Variants in CCDC178 observed in about 807,000 individuals in gnomAD.
CCDC178 encodes coiled-coil domain-containing protein 178.
A neutral mutation model predicts 117.4 loss-of-function variants in CCDC178; 126 were observed. The ratio of observed to expected loss-of-function variants is 1.07; its 90% CI spans 0.93 to 1.24. The LOEUF (loss-of-function observed/expected upper bound fraction) is 1.24. Ranked by LOEUF, CCDC178 falls within the 50% of genes most tolerant of loss-of-function variation. The pLI is 0.00. For synonymous variants in CCDC178, 283 were observed against 313.4 expected (o/e 0.90, Z 1.02); for missense variants, 1,030 against 986.9 (o/e 1.04, Z -0.59).
chr18:33,170,528 T>C (rs1386050329), intron 20 of CCDC178, among the ~76,000 whole-genome samples: 1 of 152,144 alleles, frequency 6.6e-6, no homozygotes, highest in African/African-American at 2.4e-5. Flanking sequence ...GTGTTATATA[T>C]ACAGCATAAA....
chr18:33,293,318 G>A lies in CCDC178; in HGVS notation c.1023-6C>T. On this transcript the variant is annotated splice_polypyrimidine_tract_variant and splice_region_variant and intron_variant, in intron 11 of 22. Coordinates refer to ENST00000383096, the MANE Select transcript of CCDC178 (RefSeq NM_001105528.4). ...TAAGTTGATATATCTCTCTCCTAGG[G>A]ATAAAAACACAGTTTATTTTATTCA... 6.9e-7 allele frequency: 1 copy of A among 1,454,320 alleles called. No homozygotes were observed. The highest frequency in any genetic ancestry group is 1.3e-5 in the South Asian group (1 of 78,332). 90.1% of individuals were successfully genotyped at this position (1,454,320 alleles called of 1,614,324 possible).
rs577538871 is a variant in CCDC178 at position 33,018,253 on chromosome 18, T to G, written c.2389-43572A>C. ...TACCACTTCATACTCACTGGAATGGTTAAAAACCAATCAACCAAACAACAA... is the reference window on the plus strand; with the variant it reads ...TACCACTTCATACTCACTGGAATGGGTAAAAACCAATCAACCAAACAACAA... On this transcript the variant is annotated intron_variant, in intron 21 of 22. Transcript: ENST00000383096. Among the ~76,000 whole-genome samples the G allele has an allele frequency of 2.3e-4, 35 of 152,062 alleles. No homozygotes were observed. The East Asian group carries it at 5.8e-3, about 25-fold the overall frequency.
intron 21 of CCDC178, among the ~76,000 whole-genome samples, chr18:33,034,525 C>T (rs1264083270): frequency 6.6e-6 from 1 of 151,944 alleles, no homozygotes; most frequent in Non-Finnish European, 1.5e-5. Flanking sequence ...TTTGCTGCTG[C>T]TTTTTGTTTC....
intron 15 of CCDC178, among the ~76,000 whole-genome samples, chr18:33,242,318 A>G (rs2059497513): frequency 6.6e-6 from 1 of 151,842 alleles, no homozygotes; most frequent in South Asian, 2.1e-4. Context: ...AAAACATAGG[A>G]TAAATGCTTC....
intron 11 of CCDC178, among the ~76,000 whole-genome samples, chr18:33,313,975 C>T (rs1334416299): frequency 2.0e-5 from 3 of 151,238 alleles, no homozygotes; most frequent in Non-Finnish European, 4.4e-5. Context: ...CCGAGGCGGG[C>T]GGATCACGAG....
intron 20 of CCDC178, among the ~76,000 whole-genome samples, chr18:33,100,145 T>C (rs532689994): frequency 1.3e-5 from 2 of 152,004 alleles, no homozygotes; most frequent in African/African-American, 4.8e-5. Context: ...TCCAGGGGAA[T>C]ACTTCCGTTA....
chr18:33,352,774 A>C (rs2062994411), intron 7 of CCDC178, among the ~76,000 whole-genome samples: 1 of 152,108 alleles, frequency 6.6e-6, no homozygotes, highest in African/African-American at 2.4e-5. Context: ...GTCAGAAAAA[A>C]ATACCATGTA....
At chr18:33,148,233 C>A (rs971603428) in intron 20 of CCDC178, among the ~76,000 whole-genome samples, 2 of 152,208 alleles carry the variant, frequency 1.3e-5, no homozygotes, top group Admixed American at 1.3e-4. Flanking sequence ...ACCAGCCCGG[C>A]CAACACAGCC....
intron 3 of CCDC178, among the ~76,000 whole-genome samples, chr18:33,411,333 C>G (rs1273100710): frequency 6.6e-6 from 1 of 152,166 alleles, no homozygotes; most frequent in Non-Finnish European, 1.5e-5. Context: ...AATGCAGTCT[C>G]TGTTGCATAT....
chr18:33,353,988 C>A (rs917347105), intron 7 of CCDC178, among the ~76,000 whole-genome samples: 1 of 152,124 alleles, frequency 6.6e-6, no homozygotes, highest in African/African-American at 2.4e-5. Context: ...TAGTGATACA[C>A]CCCTTTGGTT....
rs1013750933 is a variant in CCDC178, at chr18:33,211,856, A to G, written c.2238+40T>C. 3.9e-6 allele frequency: 6 copies of G among 1,549,788 alleles called. No individual in the cohort carries two copies. In the African/African-American group the frequency reaches 5.5e-5, roughly 14 times the overall value. ...ACTAGCTGCTAATTTGACTATCACT[A>G]TATTCCTTTCATTTTGAAACATGCA... On this transcript the variant is annotated intron_variant, in intron 20 of 22. Coordinates refer to ENST00000383096, the MANE Select transcript of CCDC178 (RefSeq NM_001105528.4).
intron 5 of CCDC178, among the ~76,000 whole-genome samples, chr18:33,371,349 A>C (rs1345071655): frequency 6.6e-6 from 1 of 151,884 alleles, no homozygotes; most frequent in Admixed American, 6.6e-5. Flanking sequence ...GCCAGACATA[A>C]AGCTAAGCTA....
At chr18:33,034,702 A>G (rs938459480) in intron 21 of CCDC178, among the ~76,000 whole-genome samples, 8 of 152,076 alleles carry the variant, frequency 5.3e-5, no homozygotes, top group African/African-American at 1.7e-4. Context: ...CAGTATTTTA[A>G]TTGTTGCAGT....
At chr18:33,094,024 A>C (rs1463588896) in intron 20 of CCDC178, among the ~76,000 whole-genome samples, 2 of 152,022 alleles carry the variant, frequency 1.3e-5, no homozygotes, top group African/African-American at 4.8e-5. Flanking sequence ...GAGAATGTGT[A>C]TAGAGGAAAT....
chr18:32,986,063 T>C (rs2055256157), intron 21 of CCDC178, among the ~76,000 whole-genome samples: 2 of 152,126 alleles, frequency 1.3e-5, no homozygotes, highest in Non-Finnish European at 2.9e-5. Flanking sequence ...TTTTTTGGCC[T>C]AGTTAATTTA....
chr18:32,959,702 A>G (rs2054668088), intron 22 of CCDC178, among the ~76,000 whole-genome samples: 1 of 152,132 alleles, frequency 6.6e-6, no homozygotes, highest in African/African-American at 2.4e-5. Flanking sequence ...TCAAAGCAGC[A>G]TCATTATATA....
At chr18:33,093,137 T>C (rs1269280073) in intron 20 of CCDC178, among the ~76,000 whole-genome samples, 2 of 152,104 alleles carry the variant, frequency 1.3e-5, no homozygotes, top group South Asian at 4.1e-4. Context: ...AACATTAATG[T>C]GTGATTCATC....
intron 21 of CCDC178, among the ~76,000 whole-genome samples, chr18:33,024,661 T>G (rs892288510): frequency 7.9e-5 from 12 of 151,928 alleles, no homozygotes; most frequent in Non-Finnish European, 1.0e-4. Context: ...CATTTTTTTT[T>G]GAGATGGGGT....
chr18:33,011,815 AG>A (rs2055877707), intron 21 of CCDC178, among the ~76,000 whole-genome samples: 1 of 138,074 alleles, frequency 7.2e-6, no homozygotes, highest in African/African-American at 2.7e-5. Flanking sequence ...AAAAGGACAC[AG>A]GAAGTGATGA....
Sources: allele counts gnomAD v4.1 joint callset (sites outside exome capture counted in the v4.1 genomes callset), GRCh38; gene constraint gnomAD v4.1.1; transcripts MANE v1.5; gene names NCBI Gene and HGNC (gene_info 2026-07-23, HGNC 2026-07-21).